Variants in TXLNG observed in about 807,000 individuals in gnomAD.
TXLNG encodes the protein gamma-taxilin.
Under a neutral mutation model 38.8 loss-of-function variants are expected in TXLNG, and 5 were observed. That is an observed-to-expected ratio of 0.13 (90% CI 0.07 to 0.27). The LOEUF is 0.27. Ranked by LOEUF, TXLNG falls within the 10% of genes least tolerant of loss-of-function variation. The pLI, the probability that TXLNG is intolerant of heterozygous loss-of-function variation, is 1.00. For missense variants in TXLNG, 393 were observed against 398.2 expected, an observed-to-expected ratio of 0.99 and a Z score of 0.11; for synonymous variants, 182 against 158.2, an observed-to-expected ratio of 1.15 and a Z score of -1.13.
chrX:16,800,343 C>A (rs373630412), intron 1 of TXLNG, among the ~76,000 whole-genome samples: 26 of 111,359 alleles, frequency 2.3e-4, no homozygotes, highest in African/African-American at 8.5e-4. Flanking sequence ...CAGCCTCCAC[C>A]TCCCAGGCTC....
chrX:16,833,590 GGTTATCATTTCCAAA>G (rs769877701), intron 6 of TXLNG, among the ~76,000 whole-genome samples: 218 of 110,285 alleles, frequency 2.0e-3, no homozygotes, highest in Non-Finnish European at 3.6e-3. Context: ...GCTGAGAAAT[GGTTATCATTTCCAAA>G]GTTGGAATAT....
chrX:16,788,164 C>T (rs1200129798), intron 1 of TXLNG, among the ~76,000 whole-genome samples: 1 of 111,924 alleles, frequency 8.9e-6, no homozygotes, highest in Non-Finnish European at 1.9e-5. Flanking sequence ...CGTAGGTTCC[C>T]CAGGGGAGGA....
chrX:16,839,248 A>G (rs1602403182), intron 8 of TXLNG: 1 of 111,764 alleles, frequency 8.9e-6, no homozygotes, highest in East Asian at 2.8e-4. Context: ...CTGAGGTATT[A>G]ACTACTTTTA....
chrX:16,810,232 A>G (rs1928466376), intron 1 of TXLNG, among the ~76,000 whole-genome samples: 1 of 112,145 alleles, frequency 8.9e-6, no homozygotes, highest in South Asian at 3.7e-4. Context: ...TACTACTATT[A>G]TTTATATAAG....
intron 4 of TXLNG, among the ~76,000 whole-genome samples, chrX:16,828,874 C>T (rs1408434380): frequency 9.0e-6 from 1 of 111,480 alleles, no homozygotes; most frequent in Non-Finnish European, 1.9e-5. Context: ...TCCCTTTATG[C>T]CCTTTATGCC....
At chrX:16,814,710 T>C (rs116206843) in intron 1 of TXLNG, among the ~76,000 whole-genome samples, 3,635 of 111,373 alleles carry the variant, frequency 0.033, 166 homozygotes, top group African/African-American at 0.11. Context: ...AGGCAGCAAC[T>C]AGATTAGTGG....
chrX:16,833,686 G>A (rs1226104686), intron 6 of TXLNG, among the ~76,000 whole-genome samples: 1 of 111,757 alleles, frequency 8.9e-6, no homozygotes, highest in Non-Finnish European at 1.9e-5. Context: ...TGCTTCAGTA[G>A]GACTTTTCTA....
intron 5 of TXLNG, among the ~76,000 whole-genome samples, chrX:16,830,282 T>C (rs1205634732): frequency 1.8e-5 from 2 of 108,264 alleles, no homozygotes; most frequent in African/African-American, 6.7e-5. Flanking sequence ...GGGTAAAAAG[T>C]TTACTGGGAA....
At chrX:16,820,291 A>C (rs1470593365) in intron 3 of TXLNG, 36 bp downstream of exon 3, 2 of 1,050,554 alleles carry the variant, frequency 1.9e-6, no homozygotes, top group Non-Finnish European at 2.6e-6. Flanking sequence ...AGCCATATAA[A>C]ATATAACAAA....
chrX:16,837,605 A>G lies in TXLNG; in HGVS notation c.1072A>G (p.Met358Val). ...VQLKQQLSLY[M>V]DKFEEFQTTM... is the part of the protein sequence containing the mutation. ...TTTTTTCCTATAGCTTTCTCTTTAT[A>G]TGGATAAGTTTGAAGAATTCCAGAC... The change falls in exon 8 of 10, where the codon ATG becomes GTG. Residue 358 changes from methionine to valine, a missense_variant. Physicochemically the swap from Met to Val is conservative, Grantham distance 21. Transcript: ENST00000380122. 3 of 1,203,216 alleles carry G rather than the reference A, an allele frequency of 2.5e-6. No homozygotes were observed. The highest frequency in any genetic ancestry group is 3.4e-6 in the Non-Finnish European group (3 of 889,849).
intron 9 of TXLNG, among the ~76,000 whole-genome samples, chrX:16,840,203 C>T (rs758762303): frequency 8.9e-5 from 10 of 112,221 alleles, no homozygotes; most frequent in African/African-American, 2.6e-4. Flanking sequence ...ATTTTGCTTT[C>T]TTCTACAGCA....
chrX:16,794,406 C>T (rs2147459849), intron 1 of TXLNG, among the ~76,000 whole-genome samples: 1 of 111,817 alleles, frequency 8.9e-6, no homozygotes, highest in Non-Finnish European at 1.9e-5. Context: ...TTGCTTCATT[C>T]ACCTAGGCCC....
At position 16,828,285 on chromosome X, in the gene TXLNG, G is replaced by GT. The variant is rs753518663; in HGVS notation, c.669+28dup. 53 of 1,171,141 alleles carry GT rather than the reference G, an allele frequency of 4.5e-5. No individual in the cohort carries two copies. In the South Asian group the frequency reaches 9.2e-4, roughly 20 times the overall value. On this transcript the variant is annotated intron_variant, in intron 4 of 9. Coordinates refer to ENST00000380122, the MANE Select transcript of TXLNG (RefSeq NM_018360.3). ...TAAAGGTTAGTTGCTTCATTTGTCTGTTTTTTTCAGGAGGGACTTATCTGA... is the reference window on the plus strand; with the variant it reads ...TAAAGGTTAGTTGCTTCATTTGTCTGTTTTTTTTCAGGAGGGACTTATCTGA...
chrX:16,841,476 C>A lies in TXLNG; in HGVS notation c.1297C>A (p.Arg433=), dbSNP rs1380900171. 8.3e-7 allele frequency: 1 copy of A among 1,210,900 alleles called. No individual in the cohort carries two copies. Among genetic ancestry groups the A allele is most frequent in the Admixed American group, 2.2e-5 (1 of 45,886 alleles). ...EYKALQIKLE[R]LEKLCRALQT... ...CAAGGCCCTTCAAATAAAACTGGAA[C>A]GGTTAGAGAAGCTGTGCAGGGCTCT... The change falls in exon 10 of 10, where the codon CGG becomes AGG. Residue 433 remains arginine, a synonymous_variant. Coordinates refer to ENST00000380122, the MANE Select transcript of TXLNG (RefSeq NM_018360.3).
chrX:16,800,112 G>A (rs1266518925), intron 1 of TXLNG, among the ~76,000 whole-genome samples: 1 of 110,494 alleles, frequency 9.1e-6, no homozygotes, highest in African/African-American at 3.3e-5. Context: ...GCTAATTTGT[G>A]TATTTTTAGT....
At chrX:16,813,448 GC>G (rs1440412652) in intron 1 of TXLNG, among the ~76,000 whole-genome samples, 2 of 107,119 alleles carry the variant, frequency 1.9e-5, no homozygotes, top group East Asian at 5.9e-4. Context: ...TTTGAGACCA[GC>G]CTGGGCAACA....
intron 1 of TXLNG, among the ~76,000 whole-genome samples, chrX:16,812,066 C>T (rs1602374544): frequency 9.4e-6 from 1 of 106,904 alleles, no homozygotes; most frequent in African/African-American, 3.4e-5. Context: ...TGCAGTGGCA[C>T]GATCTTGGCT....
At chrX:16,839,419 C>T (rs1569273671) in intron 8 of TXLNG, 1 of 112,929 alleles carries the variant, frequency 8.9e-6, no homozygotes, top group African/African-American at 3.3e-5. Flanking sequence ...GGACAGAAAA[C>T]TCAGTCATGG....
At chrX:16,833,220 A>T (rs1027704940) in intron 6 of TXLNG, among the ~76,000 whole-genome samples, 2 of 112,123 alleles carry the variant, frequency 1.8e-5, no homozygotes, top group African/African-American at 6.5e-5. Context: ...TTATTTACTT[A>T]CTCTGGTATA....
Sources: gnomAD v4.1 joint callset for allele counts (sites outside exome capture counted in the v4.1 genomes callset) on GRCh38, gnomAD v4.1.1 for gene constraint, MANE v1.5 for transcripts, NCBI Gene and HGNC (gene_info 2026-07-23, HGNC 2026-07-21) for gene names.